Variants in ADGRB3 observed in about 807,000 individuals in gnomAD.
ADGRB3 encodes adhesion G protein-coupled receptor B3.
ADGRB3 carries 37 observed loss-of-function variants against 193.4 expected under a neutral mutation model. The observed-to-expected ratio is 0.19, with a 90% CI of 0.15 to 0.25. The LOEUF (loss-of-function observed/expected upper bound fraction) is 0.25. Ranked by LOEUF, ADGRB3 falls within the 10% of genes least tolerant of loss-of-function variation. The pLI is 1.00. For missense variants in ADGRB3, 1,637 were observed against 1,852.9 expected (o/e 0.88, Z 2.14); for synonymous variants, 690 against 644.2 (o/e 1.07, Z -1.08).
At chr6:68,756,192 C>T (rs1766295806) in intron 3 of ADGRB3, among the ~76,000 whole-genome samples, 1 of 152,062 alleles carries the variant, frequency 6.6e-6, no homozygotes, top group Non-Finnish European at 1.5e-5. Context: ...CAGGAGACGG[C>T]TGTATATAAC....
chr6:69,187,255 T>A (rs1728343176), intron 17 of ADGRB3, among the ~76,000 whole-genome samples: 1 of 152,174 alleles, frequency 6.6e-6, no homozygotes, highest in Non-Finnish European at 1.5e-5. Flanking sequence ...TGAATAATAA[T>A]TTTAAAATGT....
chr6:68,848,977 A>G (rs974684670), intron 3 of ADGRB3, among the ~76,000 whole-genome samples: 9 of 152,052 alleles, frequency 5.9e-5, no homozygotes, highest in Non-Finnish European at 5.9e-5. Context: ...CATTCCTGAA[A>G]TTGGAAGGAA....
intron 10 of ADGRB3, among the ~76,000 whole-genome samples, chr6:68,978,350 A>G (rs550219200): frequency 6.6e-6 from 1 of 151,088 alleles, no homozygotes; most frequent in Admixed American, 6.6e-5. Context: ...ATAGGTAGGT[A>G]GATACACAGA....
intron 20 of ADGRB3, among the ~76,000 whole-genome samples, chr6:69,257,277 G>A (rs1766800269): frequency 6.6e-6 from 1 of 152,160 alleles, no homozygotes; most frequent in Non-Finnish European, 1.5e-5. Flanking sequence ...CAGAAGGAAT[G>A]GTACCAGTTC....
At chr6:68,816,488 ATTAGT>A (rs1261875372) in intron 3 of ADGRB3, among the ~76,000 whole-genome samples, 1 of 152,028 alleles carries the variant, frequency 6.6e-6, no homozygotes, top group African/African-American at 2.4e-5. Flanking sequence ...CCTTATTCTA[ATTAGT>A]TTGGTAGTTT....
At chr6:69,031,519 CTCTTTCTT>C (rs201301230) in intron 13 of ADGRB3, among the ~76,000 whole-genome samples, 4 of 21,268 alleles carry the variant, frequency 1.9e-4, no homozygotes, top group African/African-American at 4.7e-4. Context: ...TTTGAGTTGT[CTCTTTCTT>C]TCTTTCTTTC....
chr6:69,137,078 A>ATTTTTTTTTG (rs1193270145), intron 17 of ADGRB3, among the ~76,000 whole-genome samples: 83 of 121,206 alleles, frequency 6.8e-4, no homozygotes, highest in Middle Eastern at 4.5e-3. Flanking sequence ...TTTTTTTTTA[A>ATTTTTTTTTG]TGGTAAGATC....
At chr6:68,950,207 C>T (rs1203621906) in intron 6 of ADGRB3, among the ~76,000 whole-genome samples, 1 of 152,104 alleles carries the variant, frequency 6.6e-6, no homozygotes, top group Non-Finnish European at 1.5e-5. Context: ...GTGCGCAATA[C>T]CATACCCAAC....
intron 20 of ADGRB3, among the ~76,000 whole-genome samples, chr6:69,322,481 C>A (rs754256674): frequency 1.4e-4 from 21 of 151,830 alleles, no homozygotes; most frequent in Non-Finnish European, 2.8e-4. Flanking sequence ...AGTATATAAA[C>A]CTTCCTTTTT....
chr6:68,836,273 G>A (rs1162196284), intron 3 of ADGRB3, among the ~76,000 whole-genome samples: 2 of 151,972 alleles, frequency 1.3e-5, no homozygotes, highest in Non-Finnish European at 2.9e-5. Context: ...GGCAAGGGGC[G>A]CTGGTGTGGC....
chr6:69,365,155 A>G (rs567891059), intron 29 of ADGRB3, among the ~76,000 whole-genome samples: 1 of 151,572 alleles, frequency 6.6e-6, no homozygotes, highest in Non-Finnish European at 1.5e-5. Context: ...TCCATTCTTC[A>G]CTCTTTTCCC....
intron 28 of ADGRB3, among the ~76,000 whole-genome samples, chr6:69,359,188 G>T (rs1332465220): frequency 1.3e-5 from 2 of 150,770 alleles, no homozygotes; most frequent in Admixed American, 6.6e-5. Flanking sequence ...TACAATTAAG[G>T]GTTAAAAGTG....
At position 69,235,104 on chromosome 6, in the gene ADGRB3, A is replaced by T. The variant is rs1766231838; in HGVS notation, c.2680A>T (p.Thr894Ser). The change falls in exon 19 of 32, where the codon ACC becomes TCC. Residue 894 changes from threonine to serine, a missense_variant. This residue lies in a region of ADGRB3 where 641 missense variants were observed against 673.9 expected (regional missense o/e 0.95). Transcript: ENST00000370598. ...TGGTCTTTCTTGCTTGGCCTTGATT[A>T]CCCTAGCAGTTGTCTATGCAGCATT... is the stretch of plus-strand genomic sequence containing the variant. ...GSGLSCLALI[T>S]LAVVYAALWR... 6.2e-7 allele frequency: 1 copy of T among 1,612,110 alleles called. No homozygotes were observed.
intron 3 of ADGRB3, among the ~76,000 whole-genome samples, chr6:68,670,204 C>A (rs1032038604): frequency 2.0e-5 from 3 of 151,946 alleles, no homozygotes; most frequent in African/African-American, 7.2e-5. Context: ...TAAATATCTT[C>A]TCCCACTCTG....
intron 3 of ADGRB3, among the ~76,000 whole-genome samples, chr6:68,743,280 C>T (rs543278532): frequency 6.6e-6 from 1 of 151,870 alleles, no homozygotes; most frequent in Non-Finnish European, 1.5e-5. Flanking sequence ...TCAGCAATGA[C>T]TGTGCTCACC....
At chr6:68,659,211 A>G (rs1397629268) in intron 3 of ADGRB3, among the ~76,000 whole-genome samples, 1 of 150,970 alleles carries the variant, frequency 6.6e-6, no homozygotes, top group East Asian at 1.9e-4. Flanking sequence ...AATCAAGCTG[A>G]TGCAATTTTT....
chr6:68,737,624 G>A (rs1011811751), intron 3 of ADGRB3, among the ~76,000 whole-genome samples: 8 of 151,982 alleles, frequency 5.3e-5, no homozygotes, highest in Admixed American at 2.6e-4. Context: ...ATTGGAAAGT[G>A]GGTTCAGGAG....
At chr6:69,035,891 G>T (rs1416027697) in intron 13 of ADGRB3, among the ~76,000 whole-genome samples, 1 of 152,138 alleles carries the variant, frequency 6.6e-6, no homozygotes, top group Non-Finnish European at 1.5e-5. Context: ...GTCGATAGAG[G>T]TGCTATTTAT....
intron 10 of ADGRB3, among the ~76,000 whole-genome samples, chr6:68,981,187 CA>C (rs1372994611): frequency 6.6e-6 from 1 of 151,522 alleles, no homozygotes; most frequent in Non-Finnish European, 1.5e-5. Flanking sequence ...CCAACAATAA[CA>C]AGGAAAAGTT....
Sources: gnomAD v4.1 joint callset for allele counts (sites outside exome capture counted in the v4.1 genomes callset) on GRCh38, gnomAD v4.1.1 for gene constraint, gnomAD v4.1.1 regional missense constraint, MANE v1.5 for transcripts, NCBI Gene and HGNC (gene_info 2026-07-23, HGNC 2026-07-21) for gene names.